ANKS1B: variants seen among roughly 807,000 people sequenced by gnomAD.
The protein encoded by ANKS1B is ankyrin repeat and sterile alpha motif domain-containing protein 1B.
ANKS1B carries 36 observed loss-of-function variants against 148.3 expected under a neutral mutation model. That is an observed-to-expected ratio of 0.24 (90% CI 0.19 to 0.32). ANKS1B has a LOEUF of 0.32. ANKS1B is among the 10% of genes least tolerant of loss of function. ANKS1B has a pLI of 1.00. For missense variants in ANKS1B, 1,157 were observed against 1,542.6 expected, an observed-to-expected ratio of 0.75 and a Z score of 4.19; for synonymous variants, 542 against 560.8, an observed-to-expected ratio of 0.97 and a Z score of 0.47.
intron 4 of ANKS1B, among the ~76,000 whole-genome samples, chr12:99,787,217 G>T (rs189901737): frequency 6.6e-6 from 1 of 152,030 alleles, no homozygotes; most frequent in African/African-American, 2.4e-5. Context: ...GGGAGAGACC[G>T]GCTGGGAGGT....
At chr12:99,035,757 T>C (rs983500240) in intron 17 of ANKS1B, among the ~76,000 whole-genome samples, 5 of 152,134 alleles carry the variant, frequency 3.3e-5, no homozygotes, top group African/African-American at 9.7e-5. Context: ...GGCAGGAATA[T>C]ACTTGGAGTT....
intron 17 of ANKS1B, among the ~76,000 whole-genome samples, chr12:98,908,117 G>A (rs997158916): frequency 1.3e-5 from 2 of 152,160 alleles, no homozygotes; most frequent in Non-Finnish European, 2.9e-5. Context: ...AGCACATCCT[G>A]GCCTAGGGAT....
chr12:99,748,966 C>A (rs1332494594), intron 8 of ANKS1B, among the ~76,000 whole-genome samples: 1 of 152,070 alleles, frequency 6.6e-6, no homozygotes, highest in Non-Finnish European at 1.5e-5. Flanking sequence ...GCTGCAACCA[C>A]CCTCAATCAT....
chr12:99,358,403 T>A (rs920094905), intron 12 of ANKS1B, among the ~76,000 whole-genome samples: 2 of 152,130 alleles, frequency 1.3e-5, no homozygotes, highest in East Asian at 3.8e-4. Context: ...CATAACATGT[T>A]GATGCTTCCC....
At chr12:99,467,028 C>G (rs2096131058) in intron 10 of ANKS1B, among the ~76,000 whole-genome samples, 2 of 152,170 alleles carry the variant, frequency 1.3e-5, no homozygotes, top group African/African-American at 2.4e-5. Flanking sequence ...AACACTGATG[C>G]AAAAATCCTC....
At chr12:99,111,247 T>C (rs2060226844) in intron 15 of ANKS1B, among the ~76,000 whole-genome samples, 1 of 152,250 alleles carries the variant, frequency 6.6e-6, no homozygotes. Flanking sequence ...AAATTCCATT[T>C]TCTAATGGTA....
chr12:99,743,217 A>G (rs1451780291), intron 8 of ANKS1B, among the ~76,000 whole-genome samples: 4 of 152,206 alleles, frequency 2.6e-5, no homozygotes, highest in African/African-American at 9.6e-5. Flanking sequence ...CTACAGATAT[A>G]GGGAAAGACT....
chr12:99,203,453 CTT>C (rs781209215), intron 14 of ANKS1B, among the ~76,000 whole-genome samples: 29 of 142,928 alleles, frequency 2.0e-4, no homozygotes, highest in Admixed American at 2.1e-4. Context: ...CTGCTTCTTT[CTT>C]TTTTTTTTTT....
intron 17 of ANKS1B, among the ~76,000 whole-genome samples, chr12:98,937,466 A>C (rs1186859531): frequency 1.3e-5 from 2 of 152,038 alleles, no homozygotes; most frequent in Non-Finnish European, 2.9e-5. Context: ...TGAACATACT[A>C]GTATGTTTTG....
intron 12 of ANKS1B, among the ~76,000 whole-genome samples, chr12:99,384,443 T>A (rs926984106): frequency 6.6e-6 from 1 of 152,230 alleles, no homozygotes; most frequent in African/African-American, 2.4e-5. Context: ...CAAAGCTTTA[T>A]GCTAGGTACT....
chr12:98,737,522 TAG>T lies in ANKS1B; in HGVS notation c.691-1890_691-1889del, dbSNP rs201569876. 2.6e-5 allele frequency among the ~76,000 whole-genome samples: 4 copies of T among 152,346 alleles called. No individual in the cohort carries two copies. The East Asian group carries it at 7.7e-4, about 29-fold the overall frequency. ...AAGCTCCTTGAAAGCCAGGACTGTA[TAG>T]AGTCTAACATGAGCCTAGCATTGCA... On this transcript the variant is annotated intron_variant, in intron 9 of 9. Coordinates refer to the ANKS1B transcript ENST00000341752.
chr12:99,318,718 T>G lies in ANKS1B; in HGVS notation c.1757-71854A>C, dbSNP rs147639092. Among the ~76,000 whole-genome samples the G allele has an allele frequency of 4.0e-3, 610 of 152,114 alleles. 4 individuals are homozygous for G. Among genetic ancestry groups the G allele is most frequent in the African/African-American group, 0.014 (579 of 41,524 alleles). On this transcript the variant is annotated intron_variant, in intron 12 of 26. Transcript: ENST00000683438. ...TATTTCTTGCCTTCTGCTAGCTTTT[T>G]AATGTGTTTGTTCTTGCTTCTCTAG...
intron 14 of ANKS1B, among the ~76,000 whole-genome samples, chr12:99,161,608 G>A (rs2076666544): frequency 6.6e-6 from 1 of 152,188 alleles, no homozygotes; most frequent in East Asian, 1.9e-4. Flanking sequence ...AATAGCTACA[G>A]TAGGGAAATA....
At chr12:99,302,599 T>C (rs1015919694) in intron 12 of ANKS1B, among the ~76,000 whole-genome samples, 1 of 152,154 alleles carries the variant, frequency 6.6e-6, no homozygotes, top group Non-Finnish European at 1.5e-5. Context: ...GTTAGGCACA[T>C]GAATTATTAT....
chr12:99,295,586 G>T (rs1458125339), intron 12 of ANKS1B, among the ~76,000 whole-genome samples: 1 of 152,062 alleles, frequency 6.6e-6, no homozygotes, highest in Non-Finnish European at 1.5e-5. Context: ...TTCTTTTATG[G>T]ATTATACTTT....
At chr12:99,889,590 T>C (rs1310534473) in intron 1 of ANKS1B, among the ~76,000 whole-genome samples, 9 of 152,196 alleles carry the variant, frequency 5.9e-5, no homozygotes, top group Non-Finnish European at 2.9e-5. Flanking sequence ...AAAACTCATT[T>C]TCCCCAAATC....
At chr12:99,344,743 C>T (rs1005059320) in intron 12 of ANKS1B, 2 of 151,802 alleles carry the variant, frequency 1.3e-5, no homozygotes, top group African/African-American at 2.4e-5. Flanking sequence ...TGATCAGTCA[C>T]ATTTTTTGTA....
chr12:99,437,846 C>G (rs2095486173), intron 11 of ANKS1B, among the ~76,000 whole-genome samples: 1 of 151,834 alleles, frequency 6.6e-6, no homozygotes, highest in African/African-American at 2.4e-5. Context: ...TGCCTTATTT[C>G]CTTTTACCAT....
intron 10 of ANKS1B, among the ~76,000 whole-genome samples, chr12:99,451,862 T>G (rs2095745281): frequency 3.9e-5 from 6 of 152,104 alleles, no homozygotes; most frequent in Admixed American, 3.9e-4. Context: ...AATAAAATTA[T>G]CTATTACTAT....
Sources: gnomAD v4.1 joint callset for allele counts (sites outside exome capture counted in the v4.1 genomes callset) on GRCh38, gnomAD v4.1.1 for gene constraint, MANE v1.5 for transcripts, NCBI Gene and HGNC (gene_info 2026-07-23, HGNC 2026-07-21) for gene names.